The following KATNAL1 variants were observed in gnomAD, a reference collection of about 807,000 sequenced individuals.
KATNAL1 encodes katanin p60 ATPase-containing subunit A-like 1.
Under a neutral mutation model 55.2 loss-of-function variants are expected in KATNAL1, and 32 were observed. That is an observed-to-expected ratio of 0.58 (90% confidence interval 0.44 to 0.78). The LOEUF (loss-of-function observed/expected upper bound fraction) is 0.78. KATNAL1 is among the 30% of genes least tolerant of loss of function. The probability of loss-of-function intolerance (pLI) is 0.00; values close to 1 mark genes in which losing one functional copy is unlikely to be tolerated. For missense variants in KATNAL1, 466 were observed against 600.9 expected, an observed-to-expected ratio of 0.78 and a Z score of 2.35; for synonymous variants, 193 against 193.6, an observed-to-expected ratio of 1.00 and a Z score of 0.02.
At chr13:30,301,358 G>T (rs1481762495) in intron 1 of KATNAL1, among the ~76,000 whole-genome samples, 1 of 152,028 alleles carries the variant, frequency 6.6e-6, no homozygotes, top group Non-Finnish European at 1.5e-5. Context: ...ACAAGAGTGA[G>T]ACTCTGTCTG....
At chr13:30,221,535 T>C (rs184091993) in intron 9 of KATNAL1, among the ~76,000 whole-genome samples, 35 of 152,332 alleles carry the variant, frequency 2.3e-4, no homozygotes, top group African/African-American at 8.4e-4. Flanking sequence ...AATGATTCAA[T>C]TGCTAAAATT....
chr13:30,244,847 A>G (rs548216225), intron 4 of KATNAL1, among the ~76,000 whole-genome samples: 1 of 152,306 alleles, frequency 6.6e-6, no homozygotes, highest in South Asian at 2.1e-4. Flanking sequence ...AGACTAAACC[A>G]GGAAGAAGTC....
intron 9 of KATNAL1, among the ~76,000 whole-genome samples, chr13:30,215,642 A>C (rs1018904991): frequency 1.3e-5 from 2 of 152,164 alleles, no homozygotes; most frequent in African/African-American, 4.8e-5. Flanking sequence ...GGATGAAACT[A>C]GAAATCATCA....
At chr13:30,296,749 T>G in intron 1 of KATNAL1, 2 of 504,052 alleles carry the variant, frequency 4.0e-6, no homozygotes, top group South Asian at 3.4e-5. Flanking sequence ...GGCCAATGGA[T>G]AGTGAGCTTG....
chr13:30,219,351 G>A (rs1240745325), intron 9 of KATNAL1, among the ~76,000 whole-genome samples: 1 of 152,040 alleles, frequency 6.6e-6, no homozygotes, highest in African/African-American at 2.4e-5. Flanking sequence ...CCATGGCTTC[G>A]ATTCTACTTT....
intron 3 of KATNAL1, among the ~76,000 whole-genome samples, chr13:30,263,118 C>A (rs1188700321): frequency 6.6e-6 from 1 of 152,108 alleles, no homozygotes; most frequent in African/African-American, 2.4e-5. Flanking sequence ...TAGACAAAAA[C>A]CACATGATTA....
At chr13:30,240,074 C>A (rs1425308590) in intron 6 of KATNAL1, among the ~76,000 whole-genome samples, 1 of 152,078 alleles carries the variant, frequency 6.6e-6, no homozygotes, top group Non-Finnish European at 1.5e-5. Context: ...AAATAATTAA[C>A]CATCAGTGAG....
intron 9 of KATNAL1, among the ~76,000 whole-genome samples, chr13:30,214,772 T>C (rs1458125411): frequency 6.6e-6 from 1 of 151,886 alleles, no homozygotes; most frequent in South Asian, 2.1e-4. Context: ...AAAAATTAAT[T>C]CAAGATGGAT....
intron 1 of KATNAL1, among the ~76,000 whole-genome samples, chr13:30,304,224 G>A (rs1883040582): frequency 6.6e-6 from 1 of 151,388 alleles, no homozygotes; most frequent in South Asian, 2.1e-4. Flanking sequence ...CTCCTAACTA[G>A]GGTCTCATTT....
chr13:30,269,650 C>A (rs1456300878), intron 3 of KATNAL1, among the ~76,000 whole-genome samples: 1 of 150,338 alleles, frequency 6.7e-6, no homozygotes, highest in African/African-American at 2.5e-5. Flanking sequence ...GGCCGCCCAT[C>A]GTCTGGGATG....
chr13:30,226,817 C>T lies in KATNAL1; in HGVS notation c.1147+595G>A, dbSNP rs543569588. On this transcript the variant is annotated intron_variant, in intron 9 of 10. Coordinates refer to ENST00000380615, the MANE Select transcript of KATNAL1 (RefSeq NM_032116.5). ...CCAGGCTGGGCGTGGTGGTTCACAC[C>T]GGTAATCCCAGCACTTTATGAGGCC... is the stretch of plus-strand genomic sequence containing the variant. 8.7e-4 allele frequency among the ~76,000 whole-genome samples: 133 copies of T among 152,174 alleles called. 1 individual carries two copies. Among genetic ancestry groups the T allele is most frequent in the Non-Finnish European group, 1.6e-3 (107 of 68,036 alleles).
At chr13:30,218,029 G>C (rs1353917211) in intron 9 of KATNAL1, among the ~76,000 whole-genome samples, 1 of 151,996 alleles carries the variant, frequency 6.6e-6, no homozygotes, top group Non-Finnish European at 1.5e-5. Context: ...AAAATTTAAA[G>C]AGAAGGGAAG....
chr13:30,222,048 T>A (rs1032178598), intron 9 of KATNAL1, among the ~76,000 whole-genome samples: 3 of 152,112 alleles, frequency 2.0e-5, no homozygotes, highest in African/African-American at 7.2e-5. Flanking sequence ...TGAAACTCCA[T>A]CTCAGAAAGA....
At chr13:30,243,153 G>T (rs73163476) in intron 4 of KATNAL1, among the ~76,000 whole-genome samples, 116 of 152,240 alleles carry the variant, frequency 7.6e-4, no homozygotes, top group Non-Finnish European at 1.6e-3. Flanking sequence ...TTGATTTTTA[G>T]CATGAAGGTT....
At chr13:30,279,990 T>A (rs1881152004) in intron 3 of KATNAL1, 73 bp downstream of exon 3, 1 of 1,333,292 alleles carries the variant, frequency 7.5e-7, no homozygotes, top group African/African-American at 1.5e-5. Context: ...TTTTCATACT[T>A]TGTTCAAAAC....
intron 8 of KATNAL1, 59 bp from the exon 9 acceptor site, chr13:30,227,605 T>C: frequency 6.4e-7 from 1 of 1,556,974 alleles, no homozygotes; most frequent in East Asian, 2.3e-5. Context: ...ATTCTTTCAT[T>C]CAATTAACAT....
intron 9 of KATNAL1, among the ~76,000 whole-genome samples, chr13:30,213,987 C>T (rs981606977): frequency 5.9e-5 from 9 of 152,106 alleles, no homozygotes; most frequent in African/African-American, 1.7e-4. Flanking sequence ...TCAAATTGTC[C>T]CTGTTTGCAG....
intron 3 of KATNAL1, among the ~76,000 whole-genome samples, chr13:30,273,098 A>G (rs1255573991): frequency 6.6e-6 from 1 of 152,180 alleles, no homozygotes; most frequent in African/African-American, 2.4e-5. Context: ...CATCTAGCCC[A>G]TGCATCATCA....
rs58305554 is a variant in KATNAL1, at chr13:30,290,818, A to G, written c.-14-7027T>C. Among the ~76,000 whole-genome samples the G allele has an allele frequency of 1.1e-3, 167 of 152,356 alleles. 1 individual carries two copies. Among genetic ancestry groups the G allele is most frequent in the African/African-American group, 3.7e-3 (154 of 41,592 alleles). On this transcript the variant is annotated intron_variant, in intron 1 of 10. Transcript: ENST00000380615. ...AAGAATTCAAGATGGTTTATTTTAA[A>G]ACCAATCAATACAATTTTAAGAGAA... is the stretch of plus-strand genomic sequence containing the variant.
Sources: gnomAD v4.1 joint callset for allele counts (sites outside exome capture counted in the v4.1 genomes callset) on GRCh38, gnomAD v4.1.1 for gene constraint, MANE v1.5 for transcripts, NCBI Gene and HGNC (gene_info 2026-07-23, HGNC 2026-07-21) for gene names.